Variants in TMCC1 observed in about 807,000 individuals in gnomAD.
The protein encoded by TMCC1 is transmembrane and coiled-coil domains protein 1.
In TMCC1, 15 loss-of-function variants were observed where a neutral mutation model predicts 52.4. The observed-to-expected ratio is 0.29, with a 90% CI of 0.19 to 0.44. The LOEUF (loss-of-function observed/expected upper bound fraction) is 0.44, where lower values mean the gene tolerates loss of function less well. TMCC1 is among the 20% of genes least tolerant of loss of function. The pLI, the probability that TMCC1 is intolerant of heterozygous loss-of-function variation, is 1.00. For synonymous variants in TMCC1, 279 were observed against 301.9 expected, an observed-to-expected ratio of 0.92 and a Z score of 0.79; for missense variants, 503 against 806.0, an observed-to-expected ratio of 0.62 and a Z score of 4.55.
At position 129,893,686 on chromosome 3, in the gene TMCC1, C is replaced by G. The variant is rs1355130294; in HGVS notation, c.-627G>C. On this transcript the variant is annotated 5_prime_UTR_variant, in exon 1 of 7. Transcript: ENST00000393238. ...ACCGCCGCCGCCGCCTCAGCCCCGGCGCGGGAGGGCGAACCGGCGCGAGAG... is the reference window on the plus strand; with the variant it reads ...ACCGCCGCCGCCGCCTCAGCCCCGGGGCGGGAGGGCGAACCGGCGCGAGAG... The G allele has an allele frequency of 6.7e-6, 1 of 150,346 alleles. No individual in the cohort carries two copies. Among genetic ancestry groups the G allele is most frequent in the East Asian group, 2.0e-4 (1 of 5,122 alleles). The allele number at this position is 150,346 out of a possible 1,614,324, so 9.3% of individuals were successfully genotyped here.
intron 4 of TMCC1, among the ~76,000 whole-genome samples, chr3:129,747,626 T>C (rs138930586): frequency 5.9e-5 from 9 of 152,236 alleles, no homozygotes; most frequent in Admixed American, 2.0e-4. Flanking sequence ...TCTCCTTCCA[T>C]ATGTAACCAA....
At chr3:129,754,455 C>T (rs1216129486) in intron 4 of TMCC1, among the ~76,000 whole-genome samples, 2 of 152,066 alleles carry the variant, frequency 1.3e-5, no homozygotes, top group Non-Finnish European at 2.9e-5. Context: ...AGTCATATGA[C>T]CTGATTTTAA....
At chr3:129,654,917 T>G in intron 6 of TMCC1, 51 bp downstream of exon 6, 1 of 1,582,220 alleles carries the variant, frequency 6.3e-7, no homozygotes, top group Non-Finnish European at 8.6e-7. Flanking sequence ...TTTCCTTTTT[T>G]CTTTCTAACC....
chr3:129,771,797 A>AAAAAAAAAAAG (rs60824072), intron 4 of TMCC1, among the ~76,000 whole-genome samples: 37 of 86,888 alleles, frequency 4.3e-4, no homozygotes, highest in Middle Eastern at 0.011. Flanking sequence ...AAAAAAAAAA[A>AAAAAAAAAAAG]AAGAAGAAGA....
At chr3:129,882,854 G>C (rs2061521376) in intron 1 of TMCC1, among the ~76,000 whole-genome samples, 1 of 152,156 alleles carries the variant, frequency 6.6e-6, no homozygotes, top group South Asian at 2.1e-4. Flanking sequence ...GTGGCTTCCA[G>C]AGGCCAGAGG....
At chr3:129,796,563 T>C (rs572135383) in intron 4 of TMCC1, among the ~76,000 whole-genome samples, 1 of 152,272 alleles carries the variant, frequency 6.6e-6, no homozygotes, top group East Asian at 1.9e-4. Flanking sequence ...CTCATACCTG[T>C]AATCCCAATG....
At chr3:129,875,192 A>T (rs1324967570) in intron 2 of TMCC1, among the ~76,000 whole-genome samples, 10 of 142,804 alleles carry the variant, frequency 7.0e-5, no homozygotes, top group East Asian at 6.0e-4. Context: ...ATTGCTATTT[A>T]AAAAAAAAAA....
At chr3:129,863,831 C>T (rs940965889) in intron 2 of TMCC1, among the ~76,000 whole-genome samples, 37 of 152,030 alleles carry the variant, frequency 2.4e-4, no homozygotes, top group Admixed American at 6.6e-4. Flanking sequence ...CACTGTACTC[C>T]ACCCTGGGTG....
chr3:129,789,571 C>T (rs2056306616), intron 4 of TMCC1, among the ~76,000 whole-genome samples: 1 of 152,192 alleles, frequency 6.6e-6, no homozygotes, highest in Non-Finnish European at 1.5e-5. Flanking sequence ...AGCTCCGCCT[C>T]CTGGGTTCAC....
intron 5 of TMCC1, among the ~76,000 whole-genome samples, chr3:129,662,523 C>T (rs1337411700): frequency 2.6e-5 from 4 of 152,180 alleles, no homozygotes; most frequent in East Asian, 1.9e-4. Context: ...CCTGTAATCC[C>T]AGCTGCTTGG....
chr3:129,862,588 T>C (rs1474213613), intron 2 of TMCC1, among the ~76,000 whole-genome samples: 1 of 152,156 alleles, frequency 6.6e-6, no homozygotes, highest in Non-Finnish European at 1.5e-5. Context: ...ACGCACAGTG[T>C]TTCAGATTTT....
chr3:129,671,298 C>T, intron 4 of TMCC1, 34 bp from the exon 5 acceptor site: 1 of 1,563,768 alleles, frequency 6.4e-7, no homozygotes, highest in Non-Finnish European at 8.7e-7. Flanking sequence ...TGTTAGAAGC[C>T]CAAGAGGACT....
chr3:129,703,384 A>G (rs1445658355), intron 4 of TMCC1, among the ~76,000 whole-genome samples: 1 of 152,226 alleles, frequency 6.6e-6, no homozygotes, highest in African/African-American at 2.4e-5. Flanking sequence ...CTTAAAATAC[A>G]ACTACAACTA....
intron 5 of TMCC1, among the ~76,000 whole-genome samples, chr3:129,666,989 C>CTGAATTCA (rs2087512940): frequency 6.6e-6 from 1 of 151,456 alleles, no homozygotes; most frequent in Non-Finnish European, 1.5e-5. Context: ...GCAACCTCCA[C>CTGAATTCA]CTCTCAGATT....
intron 3 of TMCC1, among the ~76,000 whole-genome samples, chr3:129,831,149 G>C (rs938331765): frequency 6.6e-6 from 1 of 152,042 alleles, no homozygotes; most frequent in African/African-American, 2.4e-5. Flanking sequence ...GGCCAGGCTG[G>C]TCTCAAATTC....
At chr3:129,749,032 T>A (rs1008776301) in intron 4 of TMCC1, among the ~76,000 whole-genome samples, 8 of 151,678 alleles carry the variant, frequency 5.3e-5, no homozygotes, top group South Asian at 2.1e-4. Flanking sequence ...TAAAAAAAAA[T>A]AATTAAAAAT....
chr3:129,758,759 GCAAA>G (rs2053239120), intron 4 of TMCC1, among the ~76,000 whole-genome samples: 1 of 152,120 alleles, frequency 6.6e-6, no homozygotes, highest in African/African-American at 2.4e-5. Flanking sequence ...TTCACATTGT[GCAAA>G]CAGAGTTCTG....
At chr3:129,704,796 T>C (rs2048096314) in intron 4 of TMCC1, among the ~76,000 whole-genome samples, 1 of 152,206 alleles carries the variant, frequency 6.6e-6, no homozygotes, top group Non-Finnish European at 1.5e-5. Context: ...ATCAGGCTTA[T>C]ATTAATCACA....
chr3:129,787,320 A>T (rs1239930311), intron 4 of TMCC1, among the ~76,000 whole-genome samples: 1 of 152,206 alleles, frequency 6.6e-6, no homozygotes, highest in Non-Finnish European at 1.5e-5. Context: ...TGGGTTTAAG[A>T]TGGATTCTTC....
Sources: allele counts gnomAD v4.1 joint callset (sites outside exome capture counted in the v4.1 genomes callset), GRCh38; gene constraint gnomAD v4.1.1; transcripts MANE v1.5; gene names NCBI Gene and HGNC (gene_info 2026-07-23, HGNC 2026-07-21).